GALNS: variants seen among roughly 807,000 people sequenced by gnomAD.
GALNS encodes N-acetylgalactosamine-6-sulfatase.
Under a neutral mutation model 65.9 loss-of-function variants are expected in GALNS, and 65 were observed. That is an observed-to-expected ratio of 0.99 (90% CI 0.81 to 1.21). GALNS has a LOEUF of 1.21. Among genes scored for constraint, GALNS ranks in the 50% most tolerant of loss-of-function variants. The pLI is 0.00. For synonymous variants in GALNS, 346 were observed against 288.9 expected, an observed-to-expected ratio of 1.20 and a Z score of -2.00; for missense variants, 776 against 700.7, an observed-to-expected ratio of 1.11 and a Z score of -1.21.
At position 88,818,144 on chromosome 16, in the gene GALNS, G is replaced by C. The variant is rs1044328485; in HGVS notation, c.1365-20C>G. The C allele has an allele frequency of 5.1e-6, 8 of 1,557,980 alleles. No homozygotes were observed. Among genetic ancestry groups the C allele is most frequent in the Non-Finnish European group, 6.9e-6 (8 of 1,155,452 alleles). On this transcript the variant is annotated intron_variant, in intron 12 of 13. Transcript: ENST00000268695. ...GCAAAGCTGGGGACAGAGAGCTCTGGTCACACGGCTGGGGCTGACAGCGAA... is the reference window on the plus strand; with the variant it reads ...GCAAAGCTGGGGACAGAGAGCTCTGCTCACACGGCTGGGGCTGACAGCGAA...
chr16:88,816,807 G>A (rs921870668), intron 13 of GALNS: 108 of 985,340 alleles, frequency 1.1e-4, no homozygotes, highest in South Asian at 4.2e-4. Context: ...GGGCCTTTTC[G>A]CCCGCACAGC....
intron 13 of GALNS, chr16:88,815,872 A>G (rs951559244): frequency 2.0e-6 from 2 of 985,248 alleles, no homozygotes; most frequent in African/African-American, 3.5e-5. Context: ...GGGGATCTGC[A>G]TTTCTCAAAG....
chr16:88,853,509 G>C (rs1422615415), intron 1 of GALNS, among the ~76,000 whole-genome samples: 3 of 152,206 alleles, frequency 2.0e-5, no homozygotes, highest in Non-Finnish European at 4.4e-5. Flanking sequence ...ACAGGAGCTG[G>C]CCTGGGTGGC....
At chr16:88,815,275 C>T (rs1473750773) in intron 13 of GALNS, 1 of 985,346 alleles carries the variant, frequency 1.0e-6, no homozygotes, top group Non-Finnish European at 1.2e-6. Flanking sequence ...GGCTGAGGGC[C>T]TCCGAGGGCC....
rs574154187 is a variant in GALNS at position 88,815,865 on chromosome 16, G to C, written c.1483-1340C>G. 2.5e-4 allele frequency: 242 copies of C among 985,428 alleles called. No individual in the cohort carries two copies. The South Asian group carries it at 1.0e-2, about 41-fold the overall frequency. 61.0% of individuals were successfully genotyped at this position (985,428 alleles called of 1,614,324 possible). On this transcript the variant is annotated intron_variant, in intron 13 of 13. Coordinates refer to ENST00000268695, the MANE Select transcript of GALNS (RefSeq NM_000512.5). ...AGGGTGTGTTTGAGTCTGGATGGGG[G>C]ATCTGCATTTCTCAAAGGCCGCTCA...
In GALNS at chr16:88,840,985, G is replaced by A; in HGVS notation, c.422+7C>T. ...GACGCCTGGGCAGGCGTGGCCAGGA[G>A]ACTTACCACTTGCCGACAATCTTGC... On this transcript the variant is annotated splice_region_variant and intron_variant, in intron 4 of 13. Transcript: ENST00000268695. 1.9e-6 allele frequency: 3 copies of A among 1,610,328 alleles called. No individual in the cohort carries two copies. The highest frequency in any genetic ancestry group is 2.5e-6 in the Non-Finnish European group (3 of 1,177,266).
At chr16:88,855,447 T>A in intron 1 of GALNS, 1 of 702,844 alleles carries the variant, frequency 1.4e-6, no homozygotes, top group Non-Finnish European at 2.6e-6. Context: ...TGCCACTCAG[T>A]GCAGAGAAAG....
intron 5 of GALNS, among the ~76,000 whole-genome samples, chr16:88,837,136 A>C (rs980441907): frequency 2.0e-5 from 3 of 152,150 alleles, no homozygotes; most frequent in African/African-American, 7.2e-5. Context: ...AGGGTCCCGG[A>C]CCCGGCACTG....
intron 12 of GALNS, among the ~76,000 whole-genome samples, chr16:88,818,642 G>A (rs1000707747): frequency 1.3e-5 from 2 of 152,218 alleles, no homozygotes; most frequent in African/African-American, 4.8e-5. Context: ...ACGATTACAC[G>A]GCTCGACGAG....
chr16:88,855,690 T>C, intron 1 of GALNS: 1 of 594,676 alleles, frequency 1.7e-6, no homozygotes, highest in Non-Finnish European at 3.0e-6. Flanking sequence ...TTTACATTAT[T>C]TTTCTTTCAC....
At chr16:88,856,268 G>A (rs1967867390) in intron 1 of GALNS, 1 of 703,052 alleles carries the variant, frequency 1.4e-6, no homozygotes, top group East Asian at 2.7e-5. Flanking sequence ...GCCCAGCGGG[G>A]GGACCCGGCG....
intron 13 of GALNS, 72 bp downstream of exon 13, chr16:88,817,935 G>T: frequency 7.8e-7 from 1 of 1,280,414 alleles, no homozygotes; most frequent in Admixed American, 2.0e-5. Flanking sequence ...GCTGGCCACG[G>T]TTCATCCTGG....
At chr16:88,816,993 A>G in intron 13 of GALNS, 1 of 985,408 alleles carries the variant, frequency 1.0e-6, no homozygotes, top group African/African-American at 1.7e-5. Flanking sequence ...CTGGGCACCC[A>G]GGAGCGACAC....
intron 4 of GALNS, chr16:88,840,656 G>A (rs539308215): frequency 3.1e-4 from 126 of 404,130 alleles, no homozygotes; most frequent in Admixed American, 1.1e-3. Context: ...GTAATGACGT[G>A]GCCCCTCCAA....
intron 10 of GALNS, among the ~76,000 whole-genome samples, chr16:88,825,547 C>A (rs1485049718): frequency 1.3e-5 from 1 of 75,998 alleles, no homozygotes; most frequent in Non-Finnish European, 3.3e-5. Flanking sequence ...GGCTGGGGTG[C>A]CTGGGTGTCC....
At chr16:88,843,173 C>A (rs1567538689) in intron 1 of GALNS, 1 of 1,384,240 alleles carries the variant, frequency 7.2e-7, no homozygotes, top group African/African-American at 1.4e-5. Flanking sequence ...TGCATGCTCG[C>A]AGGAGCTGGC....
intron 9 of GALNS, among the ~76,000 whole-genome samples, chr16:88,828,588 G>A (rs1477796453): frequency 2.0e-5 from 3 of 152,226 alleles, no homozygotes; most frequent in Admixed American, 6.5e-5. Context: ...TGTGGCCCAC[G>A]GGAAAAGGCA....
intron 2 of GALNS, 198 bp downstream of exon 2, chr16:88,842,508 A>G: frequency 1.5e-6 from 1 of 659,334 alleles, no homozygotes; most frequent in Non-Finnish European, 2.6e-6. Context: ...CTGAAAACCC[A>G]GCAGGTGCCG....
At chr16:88,829,787 C>T (rs1241142676) in intron 9 of GALNS, among the ~76,000 whole-genome samples, 1 of 152,226 alleles carries the variant, frequency 6.6e-6, no homozygotes, top group Non-Finnish European at 1.5e-5. Context: ...TCTGGCAGAA[C>T]AGCAGCCAAT....
Sources: allele counts gnomAD v4.1 joint callset (sites outside exome capture counted in the v4.1 genomes callset), GRCh38; gene constraint gnomAD v4.1.1; transcripts MANE v1.5; gene names NCBI Gene and HGNC (gene_info 2026-07-23, HGNC 2026-07-21).